DNER: variants seen among roughly 807,000 people sequenced by gnomAD.
DNER encodes delta/notch like EGF repeat containing, also known as delta and Notch-like epidermal growth factor-related receptor.
Under a neutral mutation model 78.2 loss-of-function variants are expected in DNER, and 33 were observed. That is an observed-to-expected ratio of 0.42 (90% CI 0.32 to 0.56). DNER has a LOEUF of 0.56. Ranked by LOEUF, DNER falls within the 20% of genes least tolerant of loss-of-function variation. The pLI, the probability that DNER is intolerant of heterozygous loss-of-function variation, is 0.11. For synonymous variants in DNER, 417 were observed against 384.8 expected (o/e 1.08, Z -0.98); for missense variants, 918 against 975.3 (o/e 0.94, Z 0.78).
chr2:229,507,683 G>A (rs2154212162), intron 6 of DNER, among the ~76,000 whole-genome samples: 1 of 152,122 alleles, frequency 6.6e-6, no homozygotes, highest in South Asian at 2.1e-4. Flanking sequence ...TATTTCTGAA[G>A]ATTAAAAATA....
intron 5 of DNER, among the ~76,000 whole-genome samples, chr2:229,533,434 A>G (rs908698883): frequency 6.6e-6 from 1 of 152,200 alleles, no homozygotes; most frequent in African/African-American, 2.4e-5. Flanking sequence ...GAAGCGGTAG[A>G]CTGGGGATCA....
chr2:229,623,256 T>C (rs1279950975), intron 1 of DNER, among the ~76,000 whole-genome samples: 2 of 152,152 alleles, frequency 1.3e-5, no homozygotes, highest in Non-Finnish European at 2.9e-5. Flanking sequence ...GGCTGTTTTT[T>C]TCTTTGACAA....
In DNER at chr2:229,714,213, C is replaced by G; in HGVS notation, c.211G>C (p.Ala71Pro). 2.9e-6 allele frequency: 4 copies of G among 1,389,638 alleles called. No homozygotes were observed. The highest frequency in any genetic ancestry group is 3.7e-6 in the Non-Finnish European group (4 of 1,074,892). The allele number at this position is 1,389,638 out of a possible 1,614,324, so 86.1% of individuals were successfully genotyped here. A position where few individuals can be genotyped will look rare whatever the true frequency, so the allele number is the denominator to read the frequency against. ...SRPEPDPQHP[A>P]PAGEPGYSCT... ...CTGTAGCCAGGCTCGCCGGCGGGGG[C>G]CGGGTGCTGCGGGTCCGGCTCAGGG... The change falls in exon 1 of 13, where the codon GCC (alanine) becomes CCC (proline). Residue 71 changes from alanine to proline, a missense_variant. Ala to Pro is a conservative substitution (Grantham distance 27, BLOSUM62 -1). Transcript: ENST00000341772.
chr2:229,570,883 A>AG (rs1574908699), intron 4 of DNER, among the ~76,000 whole-genome samples: 1 of 152,078 alleles, frequency 6.6e-6, no homozygotes, highest in Non-Finnish European at 1.5e-5. Flanking sequence ...GGGGGAGAAG[A>AG]GGGGAAGCCA....
intron 1 of DNER, among the ~76,000 whole-genome samples, chr2:229,592,763 C>A (rs1044290936): frequency 1.3e-5 from 2 of 152,152 alleles, no homozygotes; most frequent in African/African-American, 4.8e-5. Context: ...AGCACCTGTT[C>A]AATTAGGATT....
chr2:229,442,494 G>A (rs935423739), intron 8 of DNER, among the ~76,000 whole-genome samples: 4 of 143,066 alleles, frequency 2.8e-5, no homozygotes, highest in East Asian at 2.1e-4. Flanking sequence ...CAGCCTGGGC[G>A]ACAGAGCAAC....
chr2:229,454,828 C>T (rs1694536442), intron 7 of DNER, among the ~76,000 whole-genome samples: 1 of 151,946 alleles, frequency 6.6e-6, no homozygotes, highest in Admixed American at 6.6e-5. Flanking sequence ...TAGCATATCT[C>T]AGTATATACT....
In DNER at chr2:229,612,766, A is replaced by G. The variant is rs73998295; in HGVS notation, c.277-20878T>C. Among the ~76,000 whole-genome samples, 389 of 152,282 alleles carry G rather than the reference A, an allele frequency of 2.6e-3. 2 individuals carry two copies. Among genetic ancestry groups the G allele is most frequent in the African/African-American group, 9.0e-3 (374 of 41,578 alleles). Reference sequence around the variant, plus strand: ...TTTGGTCTTCTGACCTAACATCTAGAGTCTGTGATAATTTTATGAAGGACT... The same window carrying G: ...TTTGGTCTTCTGACCTAACATCTAGGGTCTGTGATAATTTTATGAAGGACT... On this transcript the variant is annotated intron_variant, in intron 1 of 12. Coordinates refer to ENST00000341772, the MANE Select transcript of DNER (RefSeq NM_139072.4).
chr2:229,508,067 AGAG>A (rs2154212172), intron 6 of DNER, among the ~76,000 whole-genome samples: 1 of 152,296 alleles, frequency 6.6e-6, no homozygotes, highest in East Asian at 1.9e-4. Flanking sequence ...AAACATATGA[AGAG>A]GAGTTCAGCA....
In DNER at chr2:229,413,321, C is replaced by CTTTTTTTTTTTTTTTTTTTT. The variant is rs398061160; in HGVS notation, c.1609+4767_1609+4786dup. On this transcript the variant is annotated intron_variant, in intron 9 of 12. Transcript: ENST00000341772. The stretch of plus-strand genomic sequence containing the variant: ...TGCTTTTCTTTTTCTTTTTCTTCTT[C>CTTTTTTTTTTTTTTTTTTTT]TTTTTTTTTTTTTTTTTTTTTGACG... 1.2e-3 allele frequency among the ~76,000 whole-genome samples: 81 copies of CTTTTTTTTTTTTTTTTTTTT among 67,776 alleles called. 3 individuals carry two copies. The highest frequency in any genetic ancestry group is 1.4e-3 in the African/African-American group (29 of 20,338). 44.5% of individuals were successfully genotyped at this position (67,776 alleles called of 152,430 possible). A position where few individuals can be genotyped will look rare whatever the true frequency, so the allele number is the denominator to read the frequency against.
intron 8 of DNER, among the ~76,000 whole-genome samples, chr2:229,419,810 A>G (rs566457294): frequency 9.9e-5 from 15 of 151,608 alleles, no homozygotes; most frequent in Non-Finnish European, 1.5e-5. Context: ...CATCATGTAG[A>G]TAAGAGGTAC....
At chr2:229,465,106 T>G (rs1247807475) in intron 7 of DNER, among the ~76,000 whole-genome samples, 1 of 152,182 alleles carries the variant, frequency 6.6e-6, no homozygotes, top group Non-Finnish European at 1.5e-5. Flanking sequence ...ATAGAAATCA[T>G]TCTATTATAA....
At chr2:229,557,265 T>A (rs192061325) in intron 4 of DNER, among the ~76,000 whole-genome samples, 3 of 152,324 alleles carry the variant, frequency 2.0e-5, no homozygotes, top group Admixed American at 2.0e-4. Context: ...CCAACATACT[T>A]TATAAGAAAT....
intron 8 of DNER, among the ~76,000 whole-genome samples, chr2:229,438,228 T>A (rs1694162828): frequency 6.6e-6 from 1 of 152,142 alleles, no homozygotes; most frequent in Non-Finnish European, 1.5e-5. Flanking sequence ...GTAGGAAACG[T>A]CTATTGGTCA....
intron 4 of DNER, 72 bp downstream of exon 4, chr2:229,585,786 T>C (rs1273319854): frequency 6.5e-7 from 1 of 1,547,612 alleles, no homozygotes; most frequent in Non-Finnish European, 8.8e-7. Context: ...ATTCCCTACC[T>C]ACTGTCTCAA....
intron 10 of DNER, among the ~76,000 whole-genome samples, chr2:229,399,759 G>A (rs753157795): frequency 2.6e-5 from 4 of 151,964 alleles, no homozygotes; most frequent in Non-Finnish European, 5.9e-5. Context: ...AAGTTCAAAA[G>A]CAATTCAATG....
At chr2:229,702,060 G>A in intron 1 of DNER, 1 of 182,424 alleles carries the variant, frequency 5.5e-6, no homozygotes, top group Non-Finnish European at 1.2e-5. Context: ...AAATTTGAAA[G>A]GAGCTGCAGT....
chr2:229,523,892 A>G (rs79888959), intron 5 of DNER, among the ~76,000 whole-genome samples: 114 of 152,380 alleles, frequency 7.5e-4, no homozygotes, highest in African/African-American at 2.6e-3. Flanking sequence ...CTGACAATCT[A>G]GTTAGAGAAA....
chr2:229,640,608 AAG>A (rs1217396791), intron 1 of DNER, among the ~76,000 whole-genome samples: 3 of 152,246 alleles, frequency 2.0e-5, no homozygotes, highest in Admixed American at 1.3e-4. Context: ...CCAGGAAAGA[AAG>A]AGAAGGATAT....
Sources: allele counts gnomAD v4.1 joint callset (sites outside exome capture counted in the v4.1 genomes callset), GRCh38; gene constraint gnomAD v4.1.1; transcripts MANE v1.5; gene names NCBI Gene and HGNC (gene_info 2026-07-23, HGNC 2026-07-21).